The following UNC5C variants were observed in gnomAD, a reference collection of about 807,000 sequenced individuals.
UNC5C encodes netrin receptor UNC5C.
Under a neutral mutation model 99.8 loss-of-function variants are expected in UNC5C, and 47 were observed. That is an observed-to-expected ratio of 0.47 (90% CI 0.37 to 0.60). The LOEUF is 0.60. Ranked by LOEUF, UNC5C falls within the 20% of genes least tolerant of loss-of-function variation. The pLI is 0.00. For missense variants in UNC5C, 1,062 were observed against 1,165.9 expected, an observed-to-expected ratio of 0.91 and a Z score of 1.30; for synonymous variants, 487 against 452.2, an observed-to-expected ratio of 1.08 and a Z score of -0.98.
At chr4:95,174,728 G>T (rs1016588703) in intron 14 of UNC5C, among the ~76,000 whole-genome samples, 1 of 148,050 alleles carries the variant, frequency 6.8e-6, no homozygotes, top group African/African-American at 2.5e-5. Context: ...TGTTGATTTG[G>T]GGTGGAGAGT....
At chr4:95,262,828 T>C (rs1436128076) in intron 4 of UNC5C, among the ~76,000 whole-genome samples, 6 of 152,086 alleles carry the variant, frequency 3.9e-5, no homozygotes, top group Admixed American at 3.9e-4. Context: ...ATTTTTTTTT[T>C]TTTTGAGATG....
intron 14 of UNC5C, among the ~76,000 whole-genome samples, chr4:95,171,621 C>G (rs1736113520): frequency 6.6e-6 from 1 of 152,024 alleles, no homozygotes; most frequent in South Asian, 2.1e-4. Context: ...GCCACATTTT[C>G]TTAATCCAGT....
chr4:95,277,474 G>C (rs1026502017), intron 4 of UNC5C, among the ~76,000 whole-genome samples: 1 of 152,162 alleles, frequency 6.6e-6, no homozygotes, highest in African/African-American at 2.4e-5. Flanking sequence ...TGTTTTTAGA[G>C]TTTAGGATTT....
intron 1 of UNC5C, among the ~76,000 whole-genome samples, chr4:95,414,223 C>CCG (rs200197747): frequency 6.6e-6 from 1 of 151,932 alleles, no homozygotes; most frequent in Admixed American, 6.6e-5. Flanking sequence ...ACCTCCCCCC[C>CCG]ACAAAAAATA....
intron 1 of UNC5C, among the ~76,000 whole-genome samples, chr4:95,478,782 T>G (rs73838881): frequency 6.6e-6 from 1 of 152,038 alleles, no homozygotes; most frequent in East Asian, 1.9e-4. Context: ...ATATGAAAAT[T>G]TGATCCCCAG....
chr4:95,250,344 C>A, intron 5 of UNC5C, 143 bp downstream of exon 5: 1 of 824,038 alleles, frequency 1.2e-6, no homozygotes, highest in Non-Finnish European at 1.9e-6. Flanking sequence ...ACGGTCATGC[C>A]ATTGCACGCC....
chr4:95,273,354 T>C (rs190003703), intron 4 of UNC5C, among the ~76,000 whole-genome samples: 336 of 152,344 alleles, frequency 2.2e-3, no homozygotes, highest in Non-Finnish European at 3.9e-3. Flanking sequence ...AAATCTTGTA[T>C]CCATTGATGT....
chr4:95,399,739 C>A lies in UNC5C; in HGVS notation c.125-64108G>T, dbSNP rs920850223. Among the ~76,000 whole-genome samples, 36 of 152,230 alleles carry A rather than the reference C, an allele frequency of 2.4e-4. 1 individual carries two copies. Among genetic ancestry groups the A allele is most frequent in the Admixed American group, 6.5e-4 (10 of 15,288 alleles). On this transcript the variant is annotated intron_variant, in intron 1 of 15. Transcript: ENST00000453304. Reference sequence around the variant, plus strand: ...TAGGGAAGCATGCCCTGATCACCAACTTCAAAGTACTTTTTCTTATTCTCT... The same window carrying A: ...TAGGGAAGCATGCCCTGATCACCAAATTCAAAGTACTTTTTCTTATTCTCT...
At chr4:95,318,876 T>C (rs1742575585) in intron 2 of UNC5C, among the ~76,000 whole-genome samples, 1 of 152,236 alleles carries the variant, frequency 6.6e-6, no homozygotes, top group South Asian at 2.1e-4. Context: ...TGTAACTCTA[T>C]ACCATAGGAC....
At chr4:95,249,357 T>A (rs781240170) in intron 5 of UNC5C, among the ~76,000 whole-genome samples, 12 of 152,182 alleles carry the variant, frequency 7.9e-5, no homozygotes, top group Non-Finnish European at 1.5e-4. Context: ...CCACGGAGTT[T>A]AACACTAAAA....
intron 1 of UNC5C, among the ~76,000 whole-genome samples, chr4:95,371,305 T>C (rs1579364858): frequency 6.6e-6 from 1 of 152,086 alleles, no homozygotes; most frequent in East Asian, 1.9e-4. Context: ...GAAAAATCCA[T>C]ACTGCTTTTT....
chr4:95,283,625 G>A (rs1319087980), intron 3 of UNC5C, among the ~76,000 whole-genome samples: 1 of 152,192 alleles, frequency 6.6e-6, no homozygotes, highest in African/African-American at 2.4e-5. Flanking sequence ...GAACACAGGG[G>A]TGACGAATGA....
intron 1 of UNC5C, among the ~76,000 whole-genome samples, chr4:95,521,220 TTTTC>T (rs769917182): frequency 0.16 from 9,627 of 58,730 alleles, 538 homozygotes; most frequent in Non-Finnish European, 0.21. Context: ...CTTTTTTCTT[TTTTC>T]TTTTTTTTTT....
chr4:95,354,479 A>ATATATATATATTTT lies in UNC5C; in HGVS notation c.125-18849_125-18848insAAAATATATATATA. 1.3e-3 allele frequency among the ~76,000 whole-genome samples: 147 copies of ATATATATATATTTT among 110,330 alleles called. 2 individuals carry two copies. The highest frequency in any genetic ancestry group is 5.8e-3 in the African/African-American group (143 of 24,726). The allele number at this position is 110,330 out of a possible 152,430, so 72.4% of individuals were successfully genotyped here. A position where few individuals can be genotyped will look rare whatever the true frequency, so the allele number is the denominator to read the frequency against. ...TTACCTAACTCTTCCATATATATAT[A>ATATATATATATTTT]TTTTTTTTTTTTTTTTAAGAGACAG... On this transcript the variant is annotated intron_variant, in intron 1 of 15. Transcript: ENST00000453304.
At chr4:95,268,847 T>C (rs1740550800) in intron 4 of UNC5C, among the ~76,000 whole-genome samples, 1 of 152,192 alleles carries the variant, frequency 6.6e-6, no homozygotes, top group African/African-American at 2.4e-5. Context: ...TTGAAAATGA[T>C]ATAGCAGAGT....
chr4:95,235,125 A>T (rs1314914235), intron 7 of UNC5C, among the ~76,000 whole-genome samples: 8 of 152,206 alleles, frequency 5.3e-5, no homozygotes, highest in Non-Finnish European at 1.2e-4. Context: ...CAAGTATTTT[A>T]TGCAAATACT....
At chr4:95,261,612 T>G (rs920429343) in intron 4 of UNC5C, among the ~76,000 whole-genome samples, 1 of 152,130 alleles carries the variant, frequency 6.6e-6, no homozygotes, top group Non-Finnish European at 1.5e-5. Context: ...AGGGCTGGAT[T>G]CAAGTATCCA....
chr4:95,476,042 T>C (rs1748135173), intron 1 of UNC5C, among the ~76,000 whole-genome samples: 1 of 152,132 alleles, frequency 6.6e-6, no homozygotes, highest in Non-Finnish European at 1.5e-5. Flanking sequence ...TGAACTGTAA[T>C]AACTTAACGG....
chr4:95,235,970 T>C (rs1739095130), intron 7 of UNC5C, among the ~76,000 whole-genome samples: 1 of 152,140 alleles, frequency 6.6e-6, no homozygotes, highest in Non-Finnish European at 1.5e-5. Context: ...ATAGGAACAC[T>C]TTTACAGTGT....
Sources: gnomAD v4.1 joint callset for allele counts (sites outside exome capture counted in the v4.1 genomes callset) on GRCh38, gnomAD v4.1.1 for gene constraint, MANE v1.5 for transcripts, NCBI Gene and HGNC (gene_info 2026-07-23, HGNC 2026-07-21) for gene names.